The following PCDH15 variants were observed in gnomAD, a reference collection of about 807,000 sequenced individuals.
The protein encoded by PCDH15 is protocadherin related 15, also known as protocadherin-15.
Under a neutral mutation model 178.5 loss-of-function variants are expected in PCDH15, and 129 were observed. The ratio of observed to expected loss-of-function variants is 0.72; its 90% CI spans 0.63 to 0.84. The LOEUF is 0.84. Ranked by LOEUF, PCDH15 falls within the 40% of genes least tolerant of loss-of-function variation. PCDH15 has a pLI of 0.00. For synonymous variants in PCDH15, 800 were observed against 732.0 expected, an observed-to-expected ratio of 1.09 and a Z score of -1.50; for missense variants, 2,230 against 2,099.9, an observed-to-expected ratio of 1.06 and a Z score of -1.21.
At chr10:55,412,699 T>C (rs1374465621) in intron 2 of PCDH15, among the ~76,000 whole-genome samples, 1 of 151,940 alleles carries the variant, frequency 6.6e-6, no homozygotes, top group Non-Finnish European at 1.5e-5. Flanking sequence ...TATTTTATGA[T>C]TTTTGCACTA....
intron 2 of PCDH15, among the ~76,000 whole-genome samples, chr10:54,925,109 A>C (rs968748744): frequency 2.0e-5 from 3 of 151,812 alleles, no homozygotes; most frequent in African/African-American, 7.3e-5. Flanking sequence ...ATCCATCTTG[A>C]TTTGTTATTT....
At chr10:54,697,509 A>ACG (rs1476527072) in intron 1 of PCDH15, among the ~76,000 whole-genome samples, 1 of 133,952 alleles carries the variant, frequency 7.5e-6, no homozygotes, top group Non-Finnish European at 1.6e-5. Context: ...GCTTATTGAA[A>ACG]TGTGTGTATA....
intron 1 of PCDH15, among the ~76,000 whole-genome samples, chr10:54,689,831 G>A (rs1200241286): frequency 6.6e-6 from 1 of 152,124 alleles, no homozygotes; most frequent in Non-Finnish European, 1.5e-5. Context: ...AACTCCTACT[G>A]GTCTTGGAGA....
chr10:55,528,878 T>A (rs1565226593), intron 2 of PCDH15, among the ~76,000 whole-genome samples: 1 of 152,118 alleles, frequency 6.6e-6, no homozygotes. Flanking sequence ...CCACATCCTC[T>A]CCAGCATCTG....
At chr10:54,708,445 T>G (rs1452316096) in intron 1 of PCDH15, among the ~76,000 whole-genome samples, 2 of 152,188 alleles carry the variant, frequency 1.3e-5, no homozygotes, top group Non-Finnish European at 2.9e-5. Flanking sequence ...AAACATATAA[T>G]GTATTGAATG....
intron 3 of PCDH15, among the ~76,000 whole-genome samples, chr10:54,383,149 A>C (rs1300885524): frequency 6.6e-6 from 1 of 152,152 alleles, no homozygotes; most frequent in Non-Finnish European, 1.5e-5. Context: ...TTAAATTGGG[A>C]ACATTATCAA....
intron 3 of PCDH15, among the ~76,000 whole-genome samples, chr10:54,435,513 T>C (rs1163592088): frequency 6.6e-6 from 1 of 152,248 alleles, no homozygotes; most frequent in South Asian, 2.1e-4. Context: ...GCCGAACAAA[T>C]ATCTGTGGAA....
At chr10:54,542,693 C>A (rs1183475964) in intron 2 of PCDH15, among the ~76,000 whole-genome samples, 1 of 152,094 alleles carries the variant, frequency 6.6e-6, no homozygotes, top group Non-Finnish European at 1.5e-5. Context: ...AACCTATGTT[C>A]TTTTTGATAC....
At chr10:54,194,650 C>CTCTATCTATCTATCTATCTATCTA (rs58429895) in intron 11 of PCDH15, among the ~76,000 whole-genome samples, 20 of 147,884 alleles carry the variant, frequency 1.4e-4, no homozygotes, top group East Asian at 4.0e-4. Flanking sequence ...GTGTATATAT[C>CTCTATCTATCTATCTATCTATCTA]TCTATCTATC....
At chr10:54,117,933 C>A (rs1285718786) in intron 15 of PCDH15, among the ~76,000 whole-genome samples, 1 of 152,106 alleles carries the variant, frequency 6.6e-6, no homozygotes, top group Non-Finnish European at 1.5e-5. Context: ...GGGGCAGGCC[C>A]AAAAGCAGCA....
At chr10:54,418,114 G>T (rs1047500915) in intron 3 of PCDH15, among the ~76,000 whole-genome samples, 1 of 152,094 alleles carries the variant, frequency 6.6e-6, no homozygotes, top group Non-Finnish European at 1.5e-5. Flanking sequence ...GCTTTTTCAA[G>T]AACTGTTTAA....
At chr10:54,024,707 G>A (rs941004315) in intron 18 of PCDH15, among the ~76,000 whole-genome samples, 22 of 152,132 alleles carry the variant, frequency 1.4e-4, no homozygotes, top group African/African-American at 4.6e-4. Flanking sequence ...GAAAAAATAC[G>A]GTGACAGAGT....
chr10:54,260,589 T>G (rs988163678), intron 8 of PCDH15, among the ~76,000 whole-genome samples: 11 of 152,284 alleles, frequency 7.2e-5, no homozygotes, highest in Admixed American at 4.6e-4. Flanking sequence ...TTATGTTTCT[T>G]TCTTTTTTTG....
intron 30 of PCDH15, chr10:53,831,113 G>A (rs762983306): frequency 2.6e-6 from 2 of 760,886 alleles, no homozygotes; most frequent in Admixed American, 3.4e-5. Flanking sequence ...AGGAATATTG[G>A]GCCATCAGTG....
chr10:54,230,706 G>T (rs2053965737), intron 9 of PCDH15, among the ~76,000 whole-genome samples: 1 of 152,032 alleles, frequency 6.6e-6, no homozygotes, highest in Non-Finnish European at 1.5e-5. Flanking sequence ...TAATCAATGG[G>T]TGACACCAAC....
chr10:54,089,609 T>C (rs2094567232), intron 16 of PCDH15, among the ~76,000 whole-genome samples: 1 of 152,208 alleles, frequency 6.6e-6, no homozygotes, highest in African/African-American at 2.4e-5. Context: ...AATTGAAGGA[T>C]GTGTTTGTAA....
At chr10:55,609,013 TATACACAC>T (rs1243243856) in intron 2 of PCDH15, among the ~76,000 whole-genome samples, 110 of 146,698 alleles carry the variant, frequency 7.5e-4, no homozygotes, top group African/African-American at 2.4e-3. Flanking sequence ...GTTATATATA[TATACACAC>T]ACACACACAC....
chr10:54,167,250 G>A (rs984060061), intron 13 of PCDH15, among the ~76,000 whole-genome samples: 8 of 152,074 alleles, frequency 5.3e-5, no homozygotes, highest in Non-Finnish European at 4.4e-5. Context: ...CCAGCCCAAG[G>A]AACATCTCAC....
At chr10:54,087,912 G>A (rs541691605) in intron 16 of PCDH15, among the ~76,000 whole-genome samples, 6 of 152,088 alleles carry the variant, frequency 3.9e-5, no homozygotes, top group East Asian at 1.9e-4. Flanking sequence ...TTAAAAGTGC[G>A]TGGCACTTCC....
Sources: allele counts gnomAD v4.1 joint callset (sites outside exome capture counted in the v4.1 genomes callset), GRCh38; gene constraint gnomAD v4.1.1; transcripts MANE v1.5; gene names NCBI Gene and HGNC (gene_info 2026-07-23, HGNC 2026-07-21).